NLK: variants seen among roughly 807,000 people sequenced by gnomAD.
NLK encodes the protein nemo like kinase.
NLK carries 11 observed loss-of-function variants against 59.0 expected under a neutral mutation model. That is an observed-to-expected ratio of 0.19 (90% CI 0.12 to 0.31). The LOEUF (loss-of-function observed/expected upper bound fraction) is 0.31, where lower values mean the gene tolerates loss of function less well. Ranked by LOEUF, NLK falls within the 10% of genes least tolerant of loss-of-function variation. The pLI is 1.00. For synonymous variants in NLK, 235 were observed against 235.9 expected, an observed-to-expected ratio of 1.00 and a Z score of 0.03; for missense variants, 410 against 661.1, an observed-to-expected ratio of 0.62 and a Z score of 4.16.
intron 1 of NLK, among the ~76,000 whole-genome samples, chr17:28,084,539 G>A (rs759745765): frequency 5.9e-5 from 9 of 152,022 alleles, no homozygotes; most frequent in African/African-American, 9.7e-5. Context: ...ACTTGTCAAC[G>A]GGGCTGTACA....
chr17:28,131,158 A>G (rs1906499466), intron 2 of NLK, among the ~76,000 whole-genome samples: 1 of 152,128 alleles, frequency 6.6e-6, no homozygotes, highest in South Asian at 2.1e-4. Flanking sequence ...TGGCTGAAAC[A>G]AGAATAACCT....
At chr17:28,080,286 T>C (rs1910302811) in intron 1 of NLK, among the ~76,000 whole-genome samples, 1 of 151,830 alleles carries the variant, frequency 6.6e-6, no homozygotes, top group Admixed American at 6.6e-5. Context: ...ACCCTATCTC[T>C]ACAAAAAATT....
intron 1 of NLK, among the ~76,000 whole-genome samples, chr17:28,083,800 C>T (rs966012888): frequency 3.3e-5 from 5 of 152,090 alleles, no homozygotes; most frequent in Admixed American, 2.6e-4. Context: ...GTGGGATTTT[C>T]GTAGTCCCAG....
intron 7 of NLK, among the ~76,000 whole-genome samples, chr17:28,175,724 G>A (rs79432456): frequency 6.6e-6 from 1 of 152,174 alleles, no homozygotes; most frequent in African/African-American, 2.4e-5. Context: ...ATAGAATAGT[G>A]CCTGGCACAT....
intron 1 of NLK, among the ~76,000 whole-genome samples, chr17:28,106,196 T>TA (rs1259273084): frequency 1.3e-5 from 2 of 152,356 alleles, no homozygotes; most frequent in African/African-American, 4.8e-5. Flanking sequence ...TTCTTCTTTT[T>TA]AGCTTTCAGA....
At chr17:28,131,365 ATTTT>A (rs1906507710) in intron 2 of NLK, among the ~76,000 whole-genome samples, 1 of 151,902 alleles carries the variant, frequency 6.6e-6, no homozygotes, top group African/African-American at 2.4e-5. Flanking sequence ...AAACACTTAC[ATTTT>A]AGATTTGATC....
Position 28,086,848 on chromosome 17 carries a change from G to A in NLK, c.459-35755G>A, listed in dbSNP as rs191059034. ...TCGAGACCAGCCTGGGCAACAAAAC[G>A]AGACCTCATCTCTTAAAAAAAAATA... On this transcript the variant is annotated intron_variant, in intron 1 of 10. Transcript: ENST00000407008. Among the ~76,000 whole-genome samples, 300 of 150,798 alleles carry A rather than the reference G, an allele frequency of 2.0e-3. 1 individual carries two copies. The highest frequency in any genetic ancestry group is 6.3e-3 in the African/African-American group (259 of 41,260).
At chr17:28,110,395 A>G (rs1282183980) in intron 1 of NLK, among the ~76,000 whole-genome samples, 1 of 150,308 alleles carries the variant, frequency 6.7e-6, no homozygotes, top group Non-Finnish European at 1.5e-5. Context: ...TTCTCTTGCT[A>G]TTTTTAGAGT....
At chr17:28,091,323 G>T (rs1472481078) in intron 1 of NLK, among the ~76,000 whole-genome samples, 1 of 152,102 alleles carries the variant, frequency 6.6e-6, no homozygotes, top group Non-Finnish European at 1.5e-5. Context: ...GACAGATTCA[G>T]TTAAAGATGC....
chr17:28,203,399 C>T, the NLK span, among the ~76,000 whole-genome samples: 829 of 152,292 alleles, frequency 5.4e-3, 13 homozygotes, highest in African/African-American at 0.018. Flanking sequence ...TCACCACTGT[C>T]ACTCTCATGG....
At chr17:28,108,520 G>A (rs1325079629) in intron 1 of NLK, among the ~76,000 whole-genome samples, 2 of 151,990 alleles carry the variant, frequency 1.3e-5, no homozygotes, top group Non-Finnish European at 2.9e-5. Flanking sequence ...ATTGAATTTA[G>A]GTTGCAAATT....
At chr17:28,137,110 T>C (rs962642786) in intron 3 of NLK, among the ~76,000 whole-genome samples, 7 of 152,306 alleles carry the variant, frequency 4.6e-5, no homozygotes, top group Non-Finnish European at 8.8e-5. Flanking sequence ...GCTCCCTCTG[T>C]AGTGTCTCCG....
At position 28,043,013 on chromosome 17, in the gene NLK, A is replaced by G. The variant is rs147063478; in HGVS notation, c.140A>G (p.His47Arg). ...HLPPPHLHHH[H>R]HPQHHLHPGS... ...CCTCCTCCTCACCTGCACCACCACC[A>G]CCACCCTCAACACCATCTTCATCCG... Residue 47 changes from histidine to arginine, a missense_variant, in exon 1 of 11, where the codon CAC becomes CGC. His to Arg is a conservative substitution (Grantham distance 29, BLOSUM62 0). Transcript: ENST00000407008. 829 of 1,555,544 alleles carry G rather than the reference A, an allele frequency of 5.3e-4. No individual in the cohort carries two copies. The highest frequency in any genetic ancestry group is 7.8e-4 in the Admixed American group (40 of 51,248).
chr17:28,068,719 G>A (rs1335437305), intron 1 of NLK, among the ~76,000 whole-genome samples: 1 of 152,002 alleles, frequency 6.6e-6, no homozygotes, highest in Non-Finnish European at 1.5e-5. Flanking sequence ...TCTTTCTGTT[G>A]CCCAAGCTAG....
At chr17:28,121,524 A>G (rs1202405219) in intron 1 of NLK, among the ~76,000 whole-genome samples, 7 of 62,318 alleles carry the variant, frequency 1.1e-4, no homozygotes, top group African/African-American at 4.7e-4. Flanking sequence ...TTTTTTTGAG[A>G]CAGAGTCTCG....
intron 3 of NLK, among the ~76,000 whole-genome samples, chr17:28,154,578 T>TA (rs1907622105): frequency 1.3e-5 from 2 of 152,140 alleles, no homozygotes; most frequent in South Asian, 4.1e-4. Flanking sequence ...ACATATTATG[T>TA]AAAATGGAGT....
chr17:28,149,816 G>T (rs183477134), intron 3 of NLK, among the ~76,000 whole-genome samples: 1 of 152,174 alleles, frequency 6.6e-6, no homozygotes, highest in Admixed American at 6.5e-5. Context: ...TGCATTTCTA[G>T]TACCTAGATT....
At chr17:28,163,839 C>T (rs902738572) in intron 5 of NLK, among the ~76,000 whole-genome samples, 2 of 152,142 alleles carry the variant, frequency 1.3e-5, no homozygotes, top group Admixed American at 1.3e-4. Flanking sequence ...GTTTTAGAAA[C>T]ACTGAAATTG....
chr17:28,091,510 A>G (rs1904494502), intron 1 of NLK, among the ~76,000 whole-genome samples: 1 of 151,440 alleles, frequency 6.6e-6, no homozygotes, highest in Non-Finnish European at 1.5e-5. Flanking sequence ...CATATATAAA[A>G]TCATTGATAT....
Sources: allele counts gnomAD v4.1 joint callset (sites outside exome capture counted in the v4.1 genomes callset), GRCh38; gene constraint gnomAD v4.1.1; transcripts MANE v1.5; gene names NCBI Gene and HGNC (gene_info 2026-07-23, HGNC 2026-07-21).